The following ASIC2 variants were observed in gnomAD, a reference collection of about 807,000 sequenced individuals.
The protein encoded by ASIC2 is acid-sensing ion channel 2.
Under a neutral mutation model 57.3 loss-of-function variants are expected in ASIC2, and 25 were observed. That is an observed-to-expected ratio of 0.44 (90% CI 0.32 to 0.61). The LOEUF (loss-of-function observed/expected upper bound fraction) is 0.61, where lower values mean the gene tolerates loss of function less well. Ranked by LOEUF, ASIC2 falls within the 20% of genes least tolerant of loss-of-function variation. The pLI is 0.06. For missense variants in ASIC2, 641 were observed against 738.1 expected (o/e 0.87, Z 1.52); for synonymous variants, 319 against 307.5 (o/e 1.04, Z -0.39).
intron 1 of ASIC2, among the ~76,000 whole-genome samples, chr17:33,599,620 T>C (rs1313500245): frequency 6.6e-6 from 1 of 152,110 alleles, no homozygotes; most frequent in Non-Finnish European, 1.5e-5. Context: ...GGCTGCATAA[T>C]AGGATGTGTA....
At position 33,049,108 on chromosome 17, in the gene ASIC2, T is replaced by G. The variant is rs1272923609; in HGVS notation, c.988-20716A>C. Among the ~76,000 whole-genome samples, 4 of 152,196 alleles carry G rather than the reference T, an allele frequency of 2.6e-5. No homozygotes were observed. The East Asian group carries it at 7.7e-4, about 29-fold the overall frequency. On this transcript the variant is annotated intron_variant, in intron 3 of 9. Coordinates refer to ENST00000225823, the MANE Select transcript of ASIC2 (RefSeq NM_183377.2). Reference sequence around the variant, plus strand: ...GACTTTGGTATTAGGCAGGTCTGGATTCTAATTCTCAGCTGTCCCTTTGTC... The same window carrying G: ...GACTTTGGTATTAGGCAGGTCTGGAGTCTAATTCTCAGCTGTCCCTTTGTC...
chr17:33,442,728 AG>A (rs1911868555), intron 1 of ASIC2, among the ~76,000 whole-genome samples: 1 of 151,784 alleles, frequency 6.6e-6, no homozygotes, highest in African/African-American at 2.4e-5. Context: ...GAATAAAGAC[AG>A]TTTTTTTTTC....
intron 1 of ASIC2, among the ~76,000 whole-genome samples, chr17:33,443,551 C>T (rs963454342): frequency 7.0e-6 from 1 of 143,672 alleles, no homozygotes; most frequent in African/African-American, 2.5e-5. Flanking sequence ...GTAGCTGGGA[C>T]TACAGGCGCC....
At chr17:33,327,791 G>A (rs1907136814) in intron 1 of ASIC2, among the ~76,000 whole-genome samples, 1 of 152,208 alleles carries the variant, frequency 6.6e-6, no homozygotes, top group Admixed American at 6.5e-5. Flanking sequence ...AATGTGACCT[G>A]ATTTGGAAAT....
chr17:33,072,533 G>C (rs1279563826), intron 3 of ASIC2, among the ~76,000 whole-genome samples: 5 of 152,196 alleles, frequency 3.3e-5, no homozygotes, highest in Non-Finnish European at 5.9e-5. Flanking sequence ...ACGTGTCATT[G>C]CTTCTCCATT....
chr17:33,797,087 T>C (rs527679508), intron 1 of ASIC2, among the ~76,000 whole-genome samples: 1 of 152,304 alleles, frequency 6.6e-6, no homozygotes, highest in East Asian at 1.9e-4. Flanking sequence ...CTTTTCTCTC[T>C]CACTCAGTGC....
chr17:33,284,601 T>C (rs916234336), intron 1 of ASIC2, among the ~76,000 whole-genome samples: 1 of 152,174 alleles, frequency 6.6e-6, no homozygotes, highest in Non-Finnish European at 1.5e-5. Flanking sequence ...TGGTACCCTC[T>C]ATGAAAGGAT....
chr17:33,739,622 C>T (rs970017601), intron 1 of ASIC2, among the ~76,000 whole-genome samples: 7 of 152,130 alleles, frequency 4.6e-5, no homozygotes, highest in Non-Finnish European at 7.3e-5. Flanking sequence ...CTGCACTTGG[C>T]CTCTCACTGA....
At chr17:33,561,840 T>A (rs775955828) in intron 1 of ASIC2, among the ~76,000 whole-genome samples, 14 of 152,242 alleles carry the variant, frequency 9.2e-5, no homozygotes, top group Non-Finnish European at 2.1e-4. Context: ...GAAGTGCAGA[T>A]CACTTCAAAA....
At chr17:33,775,261 G>A (rs1204270932) in intron 1 of ASIC2, among the ~76,000 whole-genome samples, 1 of 152,180 alleles carries the variant, frequency 6.6e-6, no homozygotes, top group Admixed American at 6.5e-5. Flanking sequence ...GTGAGACAAA[G>A]AGAGCTGTTT....
chr17:33,551,981 T>G (rs1023036366), intron 1 of ASIC2, among the ~76,000 whole-genome samples: 2 of 152,030 alleles, frequency 1.3e-5, no homozygotes, highest in Admixed American at 6.6e-5. Context: ...GGGGGAAGAT[T>G]GAGAAACTGA....
chr17:34,057,753 T>C (rs1307936062), intron 1 of ASIC2, among the ~76,000 whole-genome samples: 3 of 152,138 alleles, frequency 2.0e-5, no homozygotes, highest in African/African-American at 2.4e-5. Context: ...GAGAAGAAGG[T>C]AGAAGTTCAG....
chr17:33,479,688 G>A (rs895668990), intron 1 of ASIC2, among the ~76,000 whole-genome samples: 1 of 152,178 alleles, frequency 6.6e-6, no homozygotes, highest in African/African-American at 2.4e-5. Flanking sequence ...GCTGGGGCTT[G>A]CTTGCCCAGC....
At chr17:33,492,118 T>C (rs1913779387) in intron 1 of ASIC2, among the ~76,000 whole-genome samples, 1 of 152,220 alleles carries the variant, frequency 6.6e-6, no homozygotes, top group African/African-American at 2.4e-5. Flanking sequence ...TGCTAGAAGT[T>C]GCAATACCCG....
At chr17:33,820,094 T>C (rs1333322166) in intron 1 of ASIC2, among the ~76,000 whole-genome samples, 2 of 152,172 alleles carry the variant, frequency 1.3e-5, no homozygotes, top group East Asian at 3.8e-4. Context: ...CATGTAGCTG[T>C]TGGGAGCTCA....
At chr17:33,799,430 CT>C (rs1456560476) in intron 1 of ASIC2, among the ~76,000 whole-genome samples, 14 of 15,384 alleles carry the variant, frequency 9.1e-4, no homozygotes, top group African/African-American at 2.2e-3. Context: ...TTTCTTTCTT[CT>C]TTCTTTCTTT....
chr17:33,297,956 CT>C (rs35388631), upstream of ASIC2, among the ~76,000 whole-genome samples: 64,767 of 136,672 alleles, frequency 0.47, 15,376 homozygotes, highest in East Asian at 0.73. Flanking sequence ...CTTTCTCTGC[CT>C]TTTTTTTTTT....
chr17:33,252,455 G>A (rs936738719), intron 1 of ASIC2, among the ~76,000 whole-genome samples: 8 of 152,090 alleles, frequency 5.3e-5, no homozygotes, highest in South Asian at 4.1e-4. Flanking sequence ...TGACACAGAC[G>A]CAGCCTGCCA....
chr17:33,020,505 G>A (rs1415103516), intron 7 of ASIC2, among the ~76,000 whole-genome samples: 1 of 152,168 alleles, frequency 6.6e-6, no homozygotes, highest in Non-Finnish European at 1.5e-5. Flanking sequence ...TGGGAGCTGA[G>A]AGAAGGGCTC....
Sources: gnomAD v4.1 joint callset for allele counts (sites outside exome capture counted in the v4.1 genomes callset) on GRCh38, gnomAD v4.1.1 for gene constraint, MANE v1.5 for transcripts, NCBI Gene and HGNC (gene_info 2026-07-23, HGNC 2026-07-21) for gene names.